The following CDH22 variants were observed in gnomAD, a reference collection of about 807,000 sequenced individuals.
The protein encoded by CDH22 is cadherin-22.
Under a neutral mutation model 58.4 loss-of-function variants are expected in CDH22, and 30 were observed. That is an observed-to-expected ratio of 0.51 (90% CI 0.38 to 0.70). The LOEUF is 0.70. CDH22 is among the 30% of genes least tolerant of loss of function. CDH22 has a pLI of 0.00. For missense variants in CDH22, 1,014 were observed against 1,233.9 expected, an observed-to-expected ratio of 0.82 and a Z score of 2.67; for synonymous variants, 513 against 558.2, an observed-to-expected ratio of 0.92 and a Z score of 1.14.
At chr20:46,203,071 T>A (rs1215430549) in intron 7 of CDH22, among the ~76,000 whole-genome samples, 1 of 152,156 alleles carries the variant, frequency 6.6e-6, no homozygotes, top group Non-Finnish European at 1.5e-5. Flanking sequence ...TGTTTTTCTC[T>A]TTTGTTCTTT....
chr20:46,277,092 C>T (rs1446181637), intron 1 of CDH22, among the ~76,000 whole-genome samples: 2 of 151,396 alleles, frequency 1.3e-5, no homozygotes, highest in Admixed American at 6.6e-5. Flanking sequence ...AGTTTGAGAC[C>T]AGCCTAGGCG....
At chr20:46,279,162 G>A (rs2086536210) in intron 1 of CDH22, among the ~76,000 whole-genome samples, 1 of 152,170 alleles carries the variant, frequency 6.6e-6, no homozygotes, top group East Asian at 1.9e-4. Context: ...GGCTGAATGA[G>A]ACAATGCGCA....
chr20:46,176,596 T>C (rs536469771), intron 11 of CDH22, among the ~76,000 whole-genome samples: 21 of 152,392 alleles, frequency 1.4e-4, no homozygotes, highest in Non-Finnish European at 2.8e-4. Context: ...CACTGGACTC[T>C]TCTTGCTCCT....
Position 46,251,067 on chromosome 20 carries a change from C to T in CDH22, c.228G>A (p.Thr76=). 6.2e-7 allele frequency: 1 copy of T among 1,612,106 alleles called. No homozygotes were observed. ...WNQFFVVEEY[T]GTEPLYVGKI... is the part of the protein sequence containing the mutation. Reference sequence around the variant, plus strand: ...TGCCCACATACAGGGGCTCCGTGCCCGTGTACTCCTCTACCACGAAGAACT... The same window carrying T: ...TGCCCACATACAGGGGCTCCGTGCCTGTGTACTCCTCTACCACGAAGAACT... Residue 76 remains threonine (T), a synonymous_variant, in exon 2 of 12, where the codon ACG becomes ACA. Transcript: ENST00000537909. This position sits in a 1 kb window ranked among gnomAD's most constrained non-coding sequence, Gnocchi z 6.7.
chr20:46,239,718 C>A (rs2086277135), intron 3 of CDH22, among the ~76,000 whole-genome samples: 1 of 152,218 alleles, frequency 6.6e-6, no homozygotes, highest in Non-Finnish European at 1.5e-5. Flanking sequence ...GCCTGGCTTG[C>A]AGATTACTTG....
intron 1 of CDH22, among the ~76,000 whole-genome samples, chr20:46,285,775 C>T (rs549860919): frequency 5.5e-4 from 84 of 152,294 alleles, no homozygotes; most frequent in African/African-American, 2.0e-3. Flanking sequence ...GACACATATA[C>T]ATTGTGCTCC....
At chr20:46,183,017 CCT>C (rs1018935408) in intron 10 of CDH22, among the ~76,000 whole-genome samples, 59 of 150,108 alleles carry the variant, frequency 3.9e-4, no homozygotes, top group African/African-American at 1.2e-3. Flanking sequence ...GGTGCCCCCC[CCT>C]CTCCCCCAGC....
rs1162618746 is a variant in CDH22, at chr20:46,303,002, G to A, written c.-400+5253C>T. Among the ~76,000 whole-genome samples, 5 of 152,266 alleles carry A rather than the reference G, an allele frequency of 3.3e-5. 1 individual carries two copies. The South Asian group carries it at 8.3e-4, about 25-fold the overall frequency. ...GGGACCTGGTCTTCCCCACCCAGCA[G>A]CAGGATGAGGCTTCTAATGGCGAAT... On this transcript the variant is annotated intron_variant, in intron 1 of 11. Coordinates refer to ENST00000537909, the MANE Select transcript of CDH22 (RefSeq NM_021248.3).
chr20:46,294,971 C>T (rs2086622237), intron 1 of CDH22, among the ~76,000 whole-genome samples: 1 of 152,226 alleles, frequency 6.6e-6, no homozygotes, highest in South Asian at 2.1e-4. Context: ...CTTCTTCACA[C>T]CCTTCATTCT....
rs142855324 is a variant in CDH22, at chr20:46,286,266, C to T, written c.-400+21989G>A. Among the ~76,000 whole-genome samples the T allele has an allele frequency of 3.4e-3, 522 of 152,258 alleles. 8 individuals are homozygous for T. The highest frequency in any genetic ancestry group is 0.021 in the Admixed American group (319 of 15,294). On this transcript the variant is annotated intron_variant, in intron 1 of 11. Coordinates refer to ENST00000537909, the MANE Select transcript of CDH22 (RefSeq NM_021248.3). The stretch of plus-strand genomic sequence containing the variant: ...GGGACATGCTCAAGCTGGATTTGAA[C>T]CCAGCTGCCTGGCTCTTTCAGCTCT...
chr20:46,248,657 T>C (rs2086348736), intron 2 of CDH22, among the ~76,000 whole-genome samples: 1 of 152,060 alleles, frequency 6.6e-6, no homozygotes, highest in South Asian at 2.1e-4. Flanking sequence ...ACCTCATCTC[T>C]ACTAAAAATA....
intron 2 of CDH22, among the ~76,000 whole-genome samples, chr20:46,247,416 C>T (rs1209152026): frequency 6.6e-6 from 1 of 152,162 alleles, no homozygotes; most frequent in African/African-American, 2.4e-5. Context: ...GGATCAAAAA[C>T]ATTCAGAAAC....
chr20:46,202,604 C>G (rs1343117003), intron 7 of CDH22, among the ~76,000 whole-genome samples: 1 of 152,176 alleles, frequency 6.6e-6, no homozygotes, highest in Non-Finnish European at 1.5e-5. Flanking sequence ...CCGCCCGCCT[C>G]GGCCTCCCAA....
intron 4 of CDH22, among the ~76,000 whole-genome samples, chr20:46,218,257 CA>C (rs1377611799): frequency 6.6e-6 from 1 of 152,236 alleles, no homozygotes; most frequent in African/African-American, 2.4e-5. Context: ...CACTTGCTCA[CA>C]CACATTGCAC....
chr20:46,277,973 C>T (rs963097477), intron 1 of CDH22, among the ~76,000 whole-genome samples: 4 of 150,724 alleles, frequency 2.7e-5, no homozygotes, highest in Admixed American at 6.6e-5. Context: ...TGAGAGGGGG[C>T]GAAAGTGTAG....
At chr20:46,195,562 G>GC (rs990799276) in intron 8 of CDH22, among the ~76,000 whole-genome samples, 1 of 151,774 alleles carries the variant, frequency 6.6e-6, no homozygotes, top group Admixed American at 6.6e-5. Context: ...GTGGCTGGGT[G>GC]CCCCCCTTGG....
chr20:46,183,899 C>G (rs947496212), intron 10 of CDH22, among the ~76,000 whole-genome samples: 13 of 152,152 alleles, frequency 8.5e-5, no homozygotes, highest in African/African-American at 2.2e-4. Context: ...CTTACTCACT[C>G]TAATCACACA....
chr20:46,236,681 CTATA>C lies in CDH22; in HGVS notation c.550+4278_550+4281del, dbSNP rs1210721247. 5.7e-4 allele frequency among the ~76,000 whole-genome samples: 75 copies of C among 130,912 alleles called. 1 individual carries two copies. The highest frequency in any genetic ancestry group is 1.5e-3 in the African/African-American group (45 of 30,822). 85.9% of individuals were successfully genotyped at this position (130,912 alleles called of 152,430 possible). On this transcript the variant is annotated intron_variant, in intron 3 of 11. Transcript: ENST00000537909. ...TCTATCTATCTATCTATCTATCTAT[CTATA>C]TATACATAGAGAGAGAGAGAGAGAG...
chr20:46,185,844 G>A (rs2085821161), intron 10 of CDH22, among the ~76,000 whole-genome samples: 1 of 152,164 alleles, frequency 6.6e-6, no homozygotes, highest in African/African-American at 2.4e-5. Context: ...CTGCCTGGGT[G>A]ACAGAGCAAG....
Sources: gnomAD v4.1 joint callset for allele counts (sites outside exome capture counted in the v4.1 genomes callset) on GRCh38, gnomAD v4.1.1 for gene constraint, Gnocchi (gnomAD v3.1) non-coding constraint, MANE v1.5 for transcripts, NCBI Gene and HGNC (gene_info 2026-07-23, HGNC 2026-07-21) for gene names.